PLCXD3: variants seen among roughly 807,000 people sequenced by gnomAD.
PLCXD3 encodes the protein PI-PLC X domain-containing protein 3.
A neutral mutation model predicts 25.5 loss-of-function variants in PLCXD3; 19 were observed. The ratio of observed to expected loss-of-function variants is 0.75; its 90% CI spans 0.52 to 1.09. The LOEUF is 1.09. PLCXD3 is among the 50% of genes least tolerant of loss of function. The pLI is 0.00. For missense variants in PLCXD3, 411 were observed against 388.1 expected (o/e 1.06, Z -0.50); for synonymous variants, 174 against 137.6 (o/e 1.26, Z -1.85).
At chr5:41,416,199 T>G (rs1746687808) in intron 1 of PLCXD3, among the ~76,000 whole-genome samples, 1 of 152,114 alleles carries the variant, frequency 6.6e-6, no homozygotes, top group Non-Finnish European at 1.5e-5. Context: ...ATAAATCCTA[T>G]AATAGTTACC....
At chr5:41,448,600 A>G (rs1356580979) in intron 1 of PLCXD3, among the ~76,000 whole-genome samples, 1 of 152,220 alleles carries the variant, frequency 6.6e-6, no homozygotes, top group East Asian at 1.9e-4. Context: ...TACATAATTT[A>G]TCTAAAACGG....
chr5:41,391,490 A>T (rs1358758963), intron 1 of PLCXD3, among the ~76,000 whole-genome samples: 1 of 152,104 alleles, frequency 6.6e-6, no homozygotes, highest in Non-Finnish European at 1.5e-5. Flanking sequence ...GAAGAAAGAG[A>T]TGTAGTTCTG....
At chr5:41,386,166 G>T (rs1262010579) in intron 1 of PLCXD3, among the ~76,000 whole-genome samples, 1 of 152,092 alleles carries the variant, frequency 6.6e-6, no homozygotes, top group African/African-American at 2.4e-5. Flanking sequence ...GAATTTCAAA[G>T]AAGAGAAATT....
chr5:41,498,885 C>T (rs1748894150), intron 1 of PLCXD3, among the ~76,000 whole-genome samples: 1 of 151,456 alleles, frequency 6.6e-6, no homozygotes, highest in African/African-American at 2.4e-5. Context: ...ACCATGTAAA[C>T]AGAATGAAGG....
intron 2 of PLCXD3, among the ~76,000 whole-genome samples, chr5:41,319,972 GAGCAACTACATGCCAATAAATAGGA>G (rs1743415748): frequency 6.6e-6 from 1 of 152,040 alleles, no homozygotes; most frequent in South Asian, 2.1e-4. Flanking sequence ...TGGCTACTAT[GAGCAACTACATGCCAATAAATAGGA>G]AAACCTACAA....
At chr5:41,379,242 C>A (rs1244851875) in intron 2 of PLCXD3, among the ~76,000 whole-genome samples, 1 of 152,068 alleles carries the variant, frequency 6.6e-6, no homozygotes, top group African/African-American at 2.4e-5. Context: ...AATCTGGGGA[C>A]TCTGTGGGAT....
intron 1 of PLCXD3, among the ~76,000 whole-genome samples, chr5:41,419,129 G>A (rs1746758420): frequency 6.6e-6 from 1 of 151,814 alleles, no homozygotes; most frequent in South Asian, 2.1e-4. Context: ...AGGGGGTGGG[G>A]GAAGAAAGGT....
At chr5:41,428,391 TTTG>T (rs1409650385) in intron 1 of PLCXD3, among the ~76,000 whole-genome samples, 4 of 144,160 alleles carry the variant, frequency 2.8e-5, no homozygotes, top group East Asian at 2.0e-4. Context: ...TGTTTTTGTT[TTTG>T]TTTTTTTTAG....
At chr5:41,344,870 A>G (rs926345931) in intron 2 of PLCXD3, among the ~76,000 whole-genome samples, 1 of 152,148 alleles carries the variant, frequency 6.6e-6, no homozygotes, top group Non-Finnish European at 1.5e-5. Flanking sequence ...TGTATTGCCC[A>G]CCTACTCTGG....
intron 1 of PLCXD3, among the ~76,000 whole-genome samples, chr5:41,409,671 A>T (rs1179336460): frequency 1.3e-5 from 2 of 152,234 alleles, no homozygotes; most frequent in African/African-American, 4.8e-5. Flanking sequence ...CATGAGAATT[A>T]GTATAGAATC....
intron 2 of PLCXD3, among the ~76,000 whole-genome samples, chr5:41,328,958 T>C (rs1743710307): frequency 6.6e-6 from 1 of 152,120 alleles, no homozygotes; most frequent in South Asian, 2.1e-4. Context: ...AGAACAAAGG[T>C]AAAAATGCTT....
At chr5:41,394,550 G>T (rs1355607483) in intron 1 of PLCXD3, among the ~76,000 whole-genome samples, 1 of 152,038 alleles carries the variant, frequency 6.6e-6, no homozygotes, top group African/African-American at 2.4e-5. Context: ...AAGATCTGTT[G>T]ATCTGTTGCC....
chr5:41,414,739 C>A (rs1342049426), intron 1 of PLCXD3, among the ~76,000 whole-genome samples: 3 of 152,194 alleles, frequency 2.0e-5, no homozygotes, highest in Non-Finnish European at 4.4e-5. Context: ...GTGCACCATT[C>A]TGAGTAGCAT....
At chr5:41,408,640 T>C (rs902674255) in intron 1 of PLCXD3, among the ~76,000 whole-genome samples, 4 of 152,162 alleles carry the variant, frequency 2.6e-5, no homozygotes, top group Non-Finnish European at 4.4e-5. Context: ...CTGTCTGAGG[T>C]TATTTAGTTA....
At chr5:41,333,166 G>T (rs1487883975) in intron 2 of PLCXD3, among the ~76,000 whole-genome samples, 1 of 151,948 alleles carries the variant, frequency 6.6e-6, no homozygotes, top group Non-Finnish European at 1.5e-5. Context: ...TCAATGGCTT[G>T]TGACTGCCCG....
At chr5:41,392,342 A>T (rs1421451732) in intron 1 of PLCXD3, among the ~76,000 whole-genome samples, 1 of 149,854 alleles carries the variant, frequency 6.7e-6, no homozygotes, top group South Asian at 2.1e-4. Context: ...AGAGAGAGGG[A>T]GAGAGAGAGA....
At chr5:41,472,778 A>G (rs2150520522) in intron 1 of PLCXD3, among the ~76,000 whole-genome samples, 1 of 152,334 alleles carries the variant, frequency 6.6e-6, no homozygotes, top group East Asian at 1.9e-4. Flanking sequence ...ATTGCTCAAT[A>G]CTCAGGGGAT....
rs774887863 is a variant in PLCXD3, at chr5:41,382,285, C to A, written c.353G>T (p.Ser118Ile). 2 of 1,613,652 alleles carry A rather than the reference C, an allele frequency of 1.2e-6. No individual in the cohort carries two copies. The highest frequency in any genetic ancestry group is 1.7e-6 in the Non-Finnish European group (2 of 1,179,742). ...CTCAAGGCCTTCATTGACTTTGGCA[C>A]TGAACAAACCATGAGCAAAATAGAG... ...NELYFAHGLF[S>I]AKVNEGLEEI... The change falls in exon 2 of 3, where the codon AGT becomes ATT. Residue 118 changes from serine to isoleucine, a missense_variant. By Grantham distance (142) the Ser-to-Ile change is moderately radical. Coordinates refer to ENST00000377801, the MANE Select transcript of PLCXD3 (RefSeq NM_001005473.3).
chr5:41,508,730 C>T (rs922849097), intron 1 of PLCXD3, among the ~76,000 whole-genome samples: 1 of 152,196 alleles, frequency 6.6e-6, no homozygotes, highest in African/African-American at 2.4e-5. Flanking sequence ...GCCCTTCTTA[C>T]CTTCTATGCA....
Sources: gnomAD v4.1 joint callset for allele counts (sites outside exome capture counted in the v4.1 genomes callset) on GRCh38, gnomAD v4.1.1 for gene constraint, MANE v1.5 for transcripts, NCBI Gene and HGNC (gene_info 2026-07-23, HGNC 2026-07-21) for gene names.